RAB4A: variants seen among roughly 807,000 people sequenced by gnomAD.
RAB4A encodes ras-related protein Rab-4A.
A neutral mutation model predicts 34.5 loss-of-function variants in RAB4A; 20 were observed. The observed-to-expected ratio is 0.58, with a 90% confidence interval of 0.41 to 0.84. The LOEUF (loss-of-function observed/expected upper bound fraction) is 0.84, where lower values mean the gene tolerates loss of function less well. Among genes scored for constraint, RAB4A ranks in the 40% least tolerant of loss-of-function variants. The pLI is 0.00. For missense variants in RAB4A, 228 were observed against 274.5 expected (o/e 0.83, Z 1.20); for synonymous variants, 102 against 100.0 (o/e 1.02, Z -0.12).
intron 3 of RAB4A, among the ~76,000 whole-genome samples, chr1:229,289,823 T>G (rs1657020845): frequency 6.6e-6 from 1 of 152,110 alleles, no homozygotes; most frequent in Non-Finnish European, 1.5e-5. Context: ...TCTCAAAAAT[T>G]AATTAAGTAA....
chr1:229,282,178 T>G (rs571091100), intron 1 of RAB4A, among the ~76,000 whole-genome samples: 1 of 152,274 alleles, frequency 6.6e-6, no homozygotes, highest in African/African-American at 2.4e-5. Flanking sequence ...CATTTACCCT[T>G]TATTCCAGAA....
intron 3 of RAB4A, among the ~76,000 whole-genome samples, chr1:229,294,563 C>T (rs9435802): frequency 0.39 from 59,592 of 152,050 alleles, 11,994 homozygotes; most frequent in Admixed American, 0.45. Context: ...TGTGGGGCCA[C>T]GCGTGGTGGC....
chr1:229,297,359 C>A, intron 4 of RAB4A, 123 bp from the exon 5 acceptor site: 1 of 955,468 alleles, frequency 1.0e-6, no homozygotes. Flanking sequence ...TCTGAGTTAT[C>A]TTAAAGGTGT....
rs539989993 is a variant in RAB4A at position 229,286,040 on chromosome 1, A to T, written c.32-446A>T. ...AAATCTGCAAGTGCAGACAAAACTT[A>T]TTTTTTTCCTTTTCCCTTTTCCCCT... On this transcript the variant is annotated intron_variant, in intron 1 of 7. Transcript: ENST00000366690. Among the ~76,000 whole-genome samples, 4 of 152,302 alleles carry T rather than the reference A, an allele frequency of 2.6e-5. No homozygotes were observed. In the South Asian group the frequency reaches 8.3e-4, roughly 32 times the overall value.
chr1:229,275,947 C>T (rs1472632786), intron 1 of RAB4A, among the ~76,000 whole-genome samples: 1 of 151,138 alleles, frequency 6.6e-6, no homozygotes, highest in African/African-American at 2.5e-5. Flanking sequence ...TTCAAAGTCA[C>T]CTGGTTCCAA....
chr1:229,293,166 G>C (rs1657139103), intron 3 of RAB4A, among the ~76,000 whole-genome samples: 1 of 152,224 alleles, frequency 6.6e-6, no homozygotes, highest in Admixed American at 6.5e-5. Flanking sequence ...TAGGAGACGA[G>C]GTATGGGGAT....
chr1:229,278,576 G>C (rs1005198044), intron 1 of RAB4A, among the ~76,000 whole-genome samples: 1 of 152,144 alleles, frequency 6.6e-6, no homozygotes, highest in Non-Finnish European at 1.5e-5. Flanking sequence ...GAAGGTCTCT[G>C]TTGTTTAAAA....
chr1:229,302,305 ATATATT>A (rs1381131827), intron 6 of RAB4A, among the ~76,000 whole-genome samples: 20 of 37,786 alleles, frequency 5.3e-4, no homozygotes, highest in East Asian at 9.5e-4. Flanking sequence ...ATATATATAT[ATATATT>A]TTTTTTTTTT....
chr1:229,274,049 C>CTT (rs11339660), intron 1 of RAB4A, among the ~76,000 whole-genome samples: 36,962 of 87,010 alleles, frequency 0.42, 6,954 homozygotes, highest in Non-Finnish European at 0.48. Flanking sequence ...TTTTGTTTCC[C>CTT]TTTTTTTTTT....
chr1:229,286,358 A>C, intron 1 of RAB4A, 128 bp from the exon 2 acceptor site: 1 of 611,722 alleles, frequency 1.6e-6, no homozygotes, highest in South Asian at 2.0e-5. Context: ...GTCATTTCAC[A>C]AGATACTCAG....
chr1:229,305,110 C>G lies in RAB4A; in HGVS notation c.*1317C>G, dbSNP rs375674568. 1.9e-6 allele frequency: 3 copies of G among 1,560,414 alleles called. No homozygotes were observed. In the African/African-American group the frequency reaches 4.2e-5, roughly 22 times the overall value. ...GTTGTTTATTTTAATCAGCAGAGCA[C>G]AGAGACACATAAAAACTCTGGGAAA... On this transcript the variant is annotated 3_prime_UTR_variant, in exon 8 of 8. Coordinates refer to ENST00000366690, the MANE Select transcript of RAB4A (RefSeq NM_004578.4).
At chr1:229,301,940 C>T (rs1657395108) in intron 6 of RAB4A, among the ~76,000 whole-genome samples, 1 of 151,246 alleles carries the variant, frequency 6.6e-6, no homozygotes, top group Non-Finnish European at 1.5e-5. Context: ...GTTGAGTATC[C>T]CTAATCCAAA....
intron 1 of RAB4A, among the ~76,000 whole-genome samples, chr1:229,280,122 A>C (rs1656746281): frequency 6.6e-6 from 1 of 152,238 alleles, no homozygotes; most frequent in African/African-American, 2.4e-5. Flanking sequence ...AAGGAAAAAG[A>C]AAAAACCACA....
intron 1 of RAB4A, among the ~76,000 whole-genome samples, chr1:229,285,580 G>A (rs956807320): frequency 8.5e-5 from 13 of 152,244 alleles, no homozygotes; most frequent in African/African-American, 3.1e-4. Context: ...ATACAGAGCA[G>A]AGCCTTTGAG....
Position 229,293,803 on chromosome 1 carries a change from A to G in RAB4A, c.228-2045A>G, listed in dbSNP as rs113028596. 3.5e-3 allele frequency among the ~76,000 whole-genome samples: 535 copies of G among 152,292 alleles called. 6 individuals carry two copies. The highest frequency in any genetic ancestry group is 0.012 in the African/African-American group (510 of 41,548). ...GAACGTTGCTGAGGAGATAGAGTTA[A>G]TGAGACCCAAGGGACAAGGAAAGCC... On this transcript the variant is annotated intron_variant, in intron 3 of 7. Transcript: ENST00000366690.
intron 1 of RAB4A, among the ~76,000 whole-genome samples, chr1:229,280,397 A>G (rs1443597696): frequency 6.6e-6 from 1 of 152,196 alleles, no homozygotes; most frequent in East Asian, 1.9e-4. Context: ...ATCTAAATAC[A>G]TGTATCACCA....
At chr1:229,286,979 A>G (rs946957177) in intron 2 of RAB4A, among the ~76,000 whole-genome samples, 72 of 152,350 alleles carry the variant, frequency 4.7e-4, no homozygotes, top group African/African-American at 1.7e-3. Context: ...TTTATAGGCC[A>G]GAAACAGACC....
chr1:229,293,731 G>T (rs530323675), intron 3 of RAB4A, among the ~76,000 whole-genome samples: 1 of 152,210 alleles, frequency 6.6e-6, no homozygotes, highest in East Asian at 1.9e-4. Flanking sequence ...CCACCCAGGA[G>T]ACAGCACGCT....
chr1:229,302,834 T>C, intron 6 of RAB4A, 28 bp from the exon 7 acceptor site: 1 of 1,531,858 alleles, frequency 6.5e-7, no homozygotes, highest in South Asian at 1.2e-5. Flanking sequence ...AAAAGCCTTT[T>C]TTAAAAGAAG....
Sources: allele counts gnomAD v4.1 joint callset (sites outside exome capture counted in the v4.1 genomes callset), GRCh38; gene constraint gnomAD v4.1.1; transcripts MANE v1.5; gene names NCBI Gene and HGNC (gene_info 2026-07-23, HGNC 2026-07-21).